Variants in TOM1L1 observed in about 807,000 individuals in gnomAD.
TOM1L1 encodes the protein TOM1-like protein 1.
Under a neutral mutation model 63.4 loss-of-function variants are expected in TOM1L1, and 64 were observed. The observed-to-expected ratio is 1.01, with a 90% confidence interval of 0.83 to 1.24. The LOEUF is 1.24. Among genes scored for constraint, TOM1L1 ranks in the 50% most tolerant of loss-of-function variants. The pLI, the probability that TOM1L1 is intolerant of heterozygous loss-of-function variation, is 0.00. For synonymous variants in TOM1L1, 166 were observed against 194.4 expected, an observed-to-expected ratio of 0.85 and a Z score of 1.22; for missense variants, 536 against 567.0, an observed-to-expected ratio of 0.95 and a Z score of 0.55.
intron 7 of TOM1L1, among the ~76,000 whole-genome samples, chr17:54,919,029 C>G (rs1322074637): frequency 1.3e-5 from 2 of 152,050 alleles, no homozygotes; most frequent in Non-Finnish European, 2.9e-5. Context: ...GGGTTCTTGA[C>G]CTTAGGCAAG....
At position 54,906,911 on chromosome 17, in the gene TOM1L1, T is replaced by C. The variant is rs572253149; in HGVS notation, c.222+1344T>C. 248 of 649,142 alleles carry C rather than the reference T, an allele frequency of 3.8e-4. 1 individual carries two copies. In the African/African-American group the frequency reaches 4.6e-3, roughly 12 times the overall value. The allele number at this position is 649,142 out of a possible 1,614,324, so 40.2% of individuals were successfully genotyped here. On this transcript the variant is annotated intron_variant, in intron 3 of 15. Transcript: ENST00000575882. ...TCTCAGCCCAGCCCAAGACTGTGCA[T>C]GGTCACGGCACTAATCAGCCAACAT...
intron 14 of TOM1L1, among the ~76,000 whole-genome samples, chr17:54,959,817 ATGTTGTTC>A (rs1287218104): frequency 2.6e-5 from 4 of 151,984 alleles, no homozygotes; most frequent in Admixed American, 2.6e-4. Context: ...GTATTTTGCC[ATGTTGTTC>A]ATACTGGTCT....
At chr17:54,901,207 G>A in intron 1 of TOM1L1, 1 of 516,870 alleles carries the variant, frequency 1.9e-6, no homozygotes, top group South Asian at 2.6e-5. Flanking sequence ...CAGGCATGGA[G>A]TGTTTGGGCC....
intron 7 of TOM1L1, among the ~76,000 whole-genome samples, chr17:54,926,641 GA>G (rs11393749): frequency 0.074 from 10,559 of 143,272 alleles, 515 homozygotes; most frequent in Non-Finnish European, 0.11. Context: ...GTAACCAGTT[GA>G]AAAAAAAAAA....
At chr17:54,928,151 G>A (rs547389064) in intron 7 of TOM1L1, among the ~76,000 whole-genome samples, 1 of 152,176 alleles carries the variant, frequency 6.6e-6, no homozygotes, top group Admixed American at 6.5e-5. Flanking sequence ...TTAATTCTTT[G>A]TAGAAGATTG....
At chr17:54,909,822 G>A (rs2048468996) in intron 3 of TOM1L1, among the ~76,000 whole-genome samples, 1 of 152,106 alleles carries the variant, frequency 6.6e-6, no homozygotes, top group Non-Finnish European at 1.5e-5. Context: ...ATTCTTATTT[G>A]TCTTATTTCG....
chr17:54,941,235 T>A (rs1480324451), intron 11 of TOM1L1, among the ~76,000 whole-genome samples: 4 of 152,244 alleles, frequency 2.6e-5, no homozygotes, highest in Non-Finnish European at 4.4e-5. Flanking sequence ...TTAGATTTTT[T>A]AAAAAGTTTC....
At chr17:54,942,837 C>T (rs888141743) in intron 11 of TOM1L1, among the ~76,000 whole-genome samples, 4 of 152,158 alleles carry the variant, frequency 2.6e-5, no homozygotes, top group Admixed American at 6.5e-5. Context: ...TAGTCACACC[C>T]TTGTACCCCT....
chr17:54,951,839 A>T lies in TOM1L1; in HGVS notation c.1370+1713A>T, dbSNP rs543460118. ...AGCCCCTCAGGTCCTGTTACCACCC[A>T]AAAAACCCAGGGTTCATTCACCTGG... On this transcript the variant is annotated intron_variant, in intron 14 of 15. Coordinates refer to ENST00000575882, the MANE Select transcript of TOM1L1 (RefSeq NM_005486.3). The T allele has an allele frequency of 3.3e-5, 5 of 152,276 alleles. No individual in the cohort carries two copies. In the South Asian group the frequency reaches 1.0e-3, roughly 32 times the overall value. 9.4% of individuals were successfully genotyped at this position (152,276 alleles called of 1,614,324 possible).
intron 6 of TOM1L1, 50 bp from the exon 7 acceptor site, chr17:54,915,696 A>G (rs1203990783): frequency 1.6e-6 from 2 of 1,274,280 alleles, no homozygotes; most frequent in Non-Finnish European, 2.1e-6. Context: ...GAAACAAGGT[A>G]GTTATTCTTT....
intron 11 of TOM1L1, among the ~76,000 whole-genome samples, chr17:54,945,071 C>T (rs887535673): frequency 6.6e-6 from 1 of 152,188 alleles, no homozygotes; most frequent in African/African-American, 2.4e-5. Flanking sequence ...TTCCCTGCCT[C>T]TTCCAGATTC....
intron 8 of TOM1L1, among the ~76,000 whole-genome samples, chr17:54,935,648 G>C (rs916821357): frequency 6.6e-6 from 1 of 152,042 alleles, no homozygotes; most frequent in Non-Finnish European, 1.5e-5. Context: ...CAAGGTTCAG[G>C]AAGTCATACC....
intron 3 of TOM1L1, among the ~76,000 whole-genome samples, chr17:54,912,051 C>T (rs1391402171): frequency 6.6e-6 from 1 of 152,170 alleles, no homozygotes; most frequent in Non-Finnish European, 1.5e-5. Context: ...TCATAACTTA[C>T]CCATTTTTCC....
intron 14 of TOM1L1, among the ~76,000 whole-genome samples, chr17:54,951,323 G>A (rs1319257969): frequency 6.6e-6 from 1 of 152,152 alleles, no homozygotes; most frequent in South Asian, 2.1e-4. Context: ...GTACCTCCAC[G>A]TGTTCAGCTA....
At chr17:54,928,801 G>A (rs939192186) in intron 7 of TOM1L1, among the ~76,000 whole-genome samples, 1 of 152,118 alleles carries the variant, frequency 6.6e-6, no homozygotes, top group Non-Finnish European at 1.5e-5. Flanking sequence ...TCTATCATCT[G>A]TCTGACTCAC....
intron 1 of TOM1L1, 25 bp downstream of exon 1, chr17:54,900,948 C>G (rs780780028): frequency 5.6e-6 from 9 of 1,613,610 alleles, no homozygotes; most frequent in South Asian, 1.1e-5. Context: ...GGAGAGACGC[C>G]CAGGCAGGCA....
chr17:54,955,829 A>G (rs1411037482), intron 14 of TOM1L1, among the ~76,000 whole-genome samples: 1 of 152,190 alleles, frequency 6.6e-6, no homozygotes, highest in African/African-American at 2.4e-5. Flanking sequence ...TGCTGCTTCA[A>G]AGCAGCACCG....
intron 11 of TOM1L1, among the ~76,000 whole-genome samples, chr17:54,939,882 A>G (rs954699363): frequency 1.3e-5 from 2 of 152,118 alleles, no homozygotes; most frequent in African/African-American, 4.8e-5. Flanking sequence ...AAAGAGACTG[A>G]GATTTCTTGG....
chr17:54,948,327 C>T (rs935903586), intron 12 of TOM1L1, among the ~76,000 whole-genome samples: 6 of 152,030 alleles, frequency 3.9e-5, no homozygotes, highest in African/African-American at 1.4e-4. Context: ...TGCTCAAAAC[C>T]CACCTGTGAT....
Sources: gnomAD v4.1 joint callset for allele counts (sites outside exome capture counted in the v4.1 genomes callset) on GRCh38, gnomAD v4.1.1 for gene constraint, MANE v1.5 for transcripts, NCBI Gene and HGNC (gene_info 2026-07-23, HGNC 2026-07-21) for gene names.